The following ADAMTS6 variants were observed in gnomAD, a reference collection of about 807,000 sequenced individuals.
ADAMTS6 encodes the protein A disintegrin and metalloproteinase with thrombospondin motifs 6.
A neutral mutation model predicts 144.3 loss-of-function variants in ADAMTS6; 23 were observed. The observed-to-expected ratio is 0.16, with a 90% CI of 0.11 to 0.23. ADAMTS6 has a LOEUF of 0.23. Among genes scored for constraint, ADAMTS6 ranks in the 10% least tolerant of loss-of-function variants. The pLI is 1.00. For missense variants in ADAMTS6, 999 were observed against 1,379.6 expected, an observed-to-expected ratio of 0.72 and a Z score of 4.37; for synonymous variants, 444 against 457.5, an observed-to-expected ratio of 0.97 and a Z score of 0.38.
At chr5:65,322,332 G>T (rs1745695154) in intron 9 of ADAMTS6, among the ~76,000 whole-genome samples, 2 of 152,134 alleles carry the variant, frequency 1.3e-5, no homozygotes, top group Admixed American at 1.3e-4. Context: ...TTTTGCTTAG[G>T]ATTGCCTTGG....
chr5:65,185,317 C>A (rs546014540), intron 22 of ADAMTS6, among the ~76,000 whole-genome samples: 1 of 152,238 alleles, frequency 6.6e-6, no homozygotes, highest in Admixed American at 6.5e-5. Context: ...CCCCACATAC[C>A]CCCTTGGGGA....
At position 65,278,411 on chromosome 5, in the gene ADAMTS6, C is replaced by T. The variant is rs572440434; in HGVS notation, c.1513-4964G>A. ...AACTCTTTAAGGAATCTCCTTTATG[C>T]TTTCCATTGAGGTACTAATTTACAT... On this transcript the variant is annotated intron_variant, in intron 11 of 24. Transcript: ENST00000381055. Among the ~76,000 whole-genome samples the T allele has an allele frequency of 2.0e-4, 31 of 152,278 alleles. No individual in the cohort carries two copies. The South Asian group carries it at 6.4e-3, about 32-fold the overall frequency.
intron 24 of ADAMTS6, among the ~76,000 whole-genome samples, chr5:65,156,709 T>C (rs936461093): frequency 6.6e-6 from 1 of 152,234 alleles, no homozygotes; most frequent in African/African-American, 2.4e-5. Flanking sequence ...AACACACTTA[T>C]ATCTATCTAC....
At chr5:65,170,888 G>C in intron 23 of ADAMTS6, 115 bp from the exon 24 acceptor site, 1 of 1,115,522 alleles carries the variant, frequency 9.0e-7, no homozygotes, top group South Asian at 1.8e-5. Flanking sequence ...TTTTTCTTTT[G>C]AGACACAGCG....
chr5:65,373,102 A>C (rs1751137166), intron 7 of ADAMTS6, among the ~76,000 whole-genome samples: 1 of 151,902 alleles, frequency 6.6e-6, no homozygotes, highest in Non-Finnish European at 1.5e-5. Context: ...GGACGTATTC[A>C]AAGCAGTGTG....
chr5:65,371,889 T>A (rs1750960950), intron 7 of ADAMTS6, among the ~76,000 whole-genome samples: 2 of 151,958 alleles, frequency 1.3e-5, no homozygotes, highest in Admixed American at 6.6e-5. Flanking sequence ...CAGGTTACCC[T>A]CAAAGGGAAG....
At chr5:65,191,099 A>G (rs1193432883) in intron 21 of ADAMTS6, among the ~76,000 whole-genome samples, 1 of 152,156 alleles carries the variant, frequency 6.6e-6, no homozygotes, top group East Asian at 1.9e-4. Context: ...GAATCGTTAT[A>G]GCTGGAACAA....
chr5:65,452,627 C>A, intron 5 of ADAMTS6, 80 bp downstream of exon 5: 1 of 1,481,632 alleles, frequency 6.7e-7, no homozygotes. Context: ...TCATTATTTA[C>A]TTCACAGCAA....
chr5:65,445,461 C>T (rs1172423445), intron 7 of ADAMTS6, among the ~76,000 whole-genome samples: 1 of 152,192 alleles, frequency 6.6e-6, no homozygotes, highest in Non-Finnish European at 1.5e-5. Context: ...CCTCAGCATC[C>T]TGAGTATCTG....
In ADAMTS6 at chr5:65,207,580, T is replaced by G. The variant is rs147277808; in HGVS notation, c.2575+7214A>C. Among the ~76,000 whole-genome samples the G allele has an allele frequency of 3.3e-3, 501 of 152,308 alleles. 1 individual carries two copies. Among genetic ancestry groups the G allele is most frequent in the African/African-American group, 0.011 (475 of 41,572 alleles). On this transcript the variant is annotated intron_variant, in intron 20 of 24. Coordinates refer to ENST00000381055, the MANE Select transcript of ADAMTS6 (RefSeq NM_197941.4). ...GGATGGGAGTGAAATGAGAATGGTA[T>G]GAACAGAGGGAAATGAGAACACACC...
In ADAMTS6 at chr5:65,298,556, T is replaced by C. The variant is rs1743076283; in HGVS notation, c.1370+1429A>G. Among the ~76,000 whole-genome samples the C allele has an allele frequency of 2.0e-5, 3 of 152,292 alleles. No individual in the cohort carries two copies. In the South Asian group the frequency reaches 6.2e-4, roughly 32 times the overall value. ...TTAGAAAATGATATTGCTAGTGCTT[T>C]GTATTAAGAACGACCAAAAGATATC... On this transcript the variant is annotated intron_variant, in intron 10 of 24. Transcript: ENST00000381055.
intron 3 of ADAMTS6, among the ~76,000 whole-genome samples, chr5:65,467,829 A>G (rs923288102): frequency 7.2e-5 from 11 of 152,236 alleles, no homozygotes; most frequent in Admixed American, 4.6e-4. Context: ...AAGATGTGGA[A>G]CTAATTTAGG....
intron 15 of ADAMTS6, among the ~76,000 whole-genome samples, chr5:65,231,093 AT>A (rs1268732429): frequency 6.6e-6 from 1 of 151,204 alleles, no homozygotes; most frequent in Admixed American, 6.6e-5. Context: ...AACAAAATGA[AT>A]TTTTTTTAAA....
intron 14 of ADAMTS6, among the ~76,000 whole-genome samples, chr5:65,246,514 T>C (rs1759643281): frequency 1.3e-5 from 2 of 152,070 alleles, no homozygotes; most frequent in Non-Finnish European, 2.9e-5. Context: ...ATAAGGAGAT[T>C]GACAGTGAGG....
chr5:65,313,621 C>T (rs1043647608), intron 9 of ADAMTS6, among the ~76,000 whole-genome samples: 14 of 151,898 alleles, frequency 9.2e-5, no homozygotes, highest in African/African-American at 1.9e-4. Flanking sequence ...AAACTTATAA[C>T]GTAAATGTGG....
In ADAMTS6 at chr5:65,452,677, T is replaced by C. The variant is rs368739037; in HGVS notation, c.843+30A>G. ...AGTCAAAAACACAACAAATATGAAG[T>C]AAAATATTATATAGAGGGATCAAAC... On this transcript the variant is annotated intron_variant, in intron 5 of 24. Coordinates refer to ENST00000381055, the MANE Select transcript of ADAMTS6 (RefSeq NM_197941.4). 5.0e-6 allele frequency: 8 copies of C among 1,605,034 alleles called. No homozygotes were observed. In the African/African-American group the frequency reaches 8.0e-5, roughly 16 times the overall value.
intron 11 of ADAMTS6, among the ~76,000 whole-genome samples, chr5:65,285,440 T>C (rs994264250): frequency 2.6e-5 from 4 of 152,176 alleles, no homozygotes; most frequent in African/African-American, 7.2e-5. Context: ...GGCATTGAAC[T>C]AGTCACTACA....
intron 7 of ADAMTS6, among the ~76,000 whole-genome samples, chr5:65,432,153 T>G (rs1757046654): frequency 6.6e-6 from 1 of 151,998 alleles, no homozygotes; most frequent in African/African-American, 2.4e-5. Context: ...AAATTTGTAG[T>G]GGGGTAGGGT....
chr5:65,344,788 C>G (rs1439505498), intron 7 of ADAMTS6, among the ~76,000 whole-genome samples: 2 of 151,750 alleles, frequency 1.3e-5, no homozygotes, highest in Non-Finnish European at 3.0e-5. Flanking sequence ...ATTTTCGTTT[C>G]CCAAACAAAA....
Sources: gnomAD v4.1 joint callset for allele counts (sites outside exome capture counted in the v4.1 genomes callset) on GRCh38, gnomAD v4.1.1 for gene constraint, MANE v1.5 for transcripts, NCBI Gene and HGNC (gene_info 2026-07-23, HGNC 2026-07-21) for gene names.